The following DSCAM variants were observed in gnomAD, a reference collection of about 807,000 sequenced individuals.
DSCAM encodes the protein DS cell adhesion molecule.
A neutral mutation model predicts 217.7 loss-of-function variants in DSCAM; 47 were observed. The observed-to-expected ratio is 0.22, with a 90% CI of 0.17 to 0.28. DSCAM has a LOEUF of 0.28. DSCAM is among the 10% of genes least tolerant of loss of function. DSCAM has a pLI of 1.00. For missense variants in DSCAM, 2,080 were observed against 2,618.3 expected, an observed-to-expected ratio of 0.79 and a Z score of 4.49; for synonymous variants, 1,056 against 1,015.3, an observed-to-expected ratio of 1.04 and a Z score of -0.76.
At chr21:40,411,173 TATACAC>T (rs71186934) in intron 3 of DSCAM, among the ~76,000 whole-genome samples, 58,434 of 134,538 alleles carry the variant, frequency 0.43, 13,391 homozygotes, top group Non-Finnish European at 0.51. Context: ...ACAGTAATTA[TATACAC>T]ACACACACAC....
At chr21:40,660,845 A>G (rs994028956) in intron 3 of DSCAM, among the ~76,000 whole-genome samples, 3 of 152,366 alleles carry the variant, frequency 2.0e-5, no homozygotes, top group Middle Eastern at 6.8e-3. Flanking sequence ...ACAGAAATTT[A>G]GTGAAAAAAG....
chr21:40,082,420 A>T (rs140655051), intron 24 of DSCAM, among the ~76,000 whole-genome samples: 1 of 152,340 alleles, frequency 6.6e-6, no homozygotes, highest in Admixed American at 6.5e-5. Context: ...AGATCGTGCC[A>T]CTGCACTCCG....
chr21:40,680,195 G>A (rs577858339), intron 3 of DSCAM, among the ~76,000 whole-genome samples: 3 of 152,194 alleles, frequency 2.0e-5, no homozygotes, highest in Non-Finnish European at 2.9e-5. Flanking sequence ...TCAAGGTTAC[G>A]TAACTTGGTC....
intron 19 of DSCAM, among the ~76,000 whole-genome samples, chr21:40,127,848 G>T (rs1457425474): frequency 1.3e-5 from 2 of 152,116 alleles, no homozygotes; most frequent in Non-Finnish European, 2.9e-5. Context: ...TGATCTGATG[G>T]TGCTCCCCAA....
At chr21:40,641,332 G>A (rs773649668) in intron 3 of DSCAM, among the ~76,000 whole-genome samples, 6 of 152,106 alleles carry the variant, frequency 3.9e-5, no homozygotes, top group Admixed American at 2.0e-4. Flanking sequence ...GAAACGGGGC[G>A]AGAGAAAACA....
chr21:40,516,828 ATCT>A (rs2146075721), intron 3 of DSCAM, among the ~76,000 whole-genome samples: 1 of 151,200 alleles, frequency 6.6e-6, no homozygotes, highest in South Asian at 2.1e-4. Flanking sequence ...TCAAATCTGG[ATCT>A]TGTTTATTCA....
At chr21:40,468,964 T>G (rs750314153) in intron 3 of DSCAM, among the ~76,000 whole-genome samples, 2 of 152,024 alleles carry the variant, frequency 1.3e-5, no homozygotes, top group African/African-American at 4.8e-5. Context: ...CACCCTACAT[T>G]GAGGGGCAGG....
intron 3 of DSCAM, among the ~76,000 whole-genome samples, chr21:40,500,641 A>G (rs12481828): frequency 0.089 from 13,503 of 152,286 alleles, 700 homozygotes; most frequent in Middle Eastern, 0.16. Flanking sequence ...TCATTAATAA[A>G]GGGGCAATTT....
chr21:40,538,286 TC>T (rs2076515602), intron 3 of DSCAM, among the ~76,000 whole-genome samples: 1 of 134,942 alleles, frequency 7.4e-6, no homozygotes, highest in Non-Finnish European at 1.5e-5. Flanking sequence ...TCTGTATGAA[TC>T]CAAAGCTAAC....
intron 3 of DSCAM, among the ~76,000 whole-genome samples, chr21:40,392,480 G>A (rs747387429): frequency 1.2e-4 from 18 of 152,220 alleles, no homozygotes; most frequent in Admixed American, 1.0e-3. Flanking sequence ...TATTTTCAAC[G>A]ATTTCCTAAG....
chr21:40,674,505 A>C (rs1302067351), intron 3 of DSCAM, among the ~76,000 whole-genome samples: 1 of 151,854 alleles, frequency 6.6e-6, no homozygotes. Context: ...AGTATAATAA[A>C]CCTCCATGTA....
At chr21:40,445,253 G>A (rs2075665087) in intron 3 of DSCAM, among the ~76,000 whole-genome samples, 1 of 152,076 alleles carries the variant, frequency 6.6e-6, no homozygotes, top group Admixed American at 6.6e-5. Flanking sequence ...TGAATTCTGG[G>A]GTGACACCAG....
At chr21:40,329,750 G>A (rs551001408) in intron 8 of DSCAM, among the ~76,000 whole-genome samples, 29 of 152,116 alleles carry the variant, frequency 1.9e-4, no homozygotes, top group Admixed American at 1.3e-3. Context: ...CAATATGGAT[G>A]AACCTGGAGA....
chr21:40,118,933 G>T (rs1282572645), intron 20 of DSCAM, among the ~76,000 whole-genome samples: 1 of 152,160 alleles, frequency 6.6e-6, no homozygotes. Context: ...TTAAGACATG[G>T]ACCAGAATCT....
At chr21:40,808,873 G>A (rs754868518) in intron 1 of DSCAM, among the ~76,000 whole-genome samples, 2 of 152,100 alleles carry the variant, frequency 1.3e-5, no homozygotes, top group African/African-American at 4.8e-5. Flanking sequence ...ATTTGCAGAT[G>A]AGCTGACACT....
chr21:40,664,982 C>CT (rs2090184289), intron 3 of DSCAM, among the ~76,000 whole-genome samples: 2 of 152,122 alleles, frequency 1.3e-5, no homozygotes, highest in African/African-American at 2.4e-5. Flanking sequence ...CCTCTTCTCT[C>CT]CCTCTTGTTC....
At position 40,822,021 on chromosome 21, in the gene DSCAM, T is replaced by TA. The variant is rs376630916; in HGVS notation, c.43+24597dup. Among the ~76,000 whole-genome samples, 543 of 129,478 alleles carry TA rather than the reference T, an allele frequency of 4.2e-3. 1 individual carries two copies. The highest frequency in any genetic ancestry group is 0.019 in the Middle Eastern group (5 of 268). 84.9% of individuals were successfully genotyped at this position (129,478 alleles called of 152,430 possible). A position where few individuals can be genotyped will look rare whatever the true frequency, so the allele number is the denominator to read the frequency against. ...GTATCCCCGAACTTAAAATAAAAGT[T>TA]AAAAAAAAAAAAAAAGACCGGGCAC... On this transcript the variant is annotated intron_variant, in intron 1 of 32. Coordinates refer to ENST00000400454, the MANE Select transcript of DSCAM (RefSeq NM_001389.5).
At chr21:40,633,448 C>A (rs2089718179) in intron 3 of DSCAM, among the ~76,000 whole-genome samples, 1 of 152,158 alleles carries the variant, frequency 6.6e-6, no homozygotes, top group African/African-American at 2.4e-5. Flanking sequence ...CTAGAAATTG[C>A]TGTTCTCAGT....
At chr21:40,751,223 C>T (rs78128732) in intron 1 of DSCAM, among the ~76,000 whole-genome samples, 3,214 of 152,240 alleles carry the variant, frequency 0.021, 118 homozygotes, top group African/African-American at 0.074. Context: ...TCAGCGAGAC[C>T]GACTCTAGCC....
Sources: gnomAD v4.1 joint callset for allele counts (sites outside exome capture counted in the v4.1 genomes callset) on GRCh38, gnomAD v4.1.1 for gene constraint, MANE v1.5 for transcripts, NCBI Gene and HGNC (gene_info 2026-07-23, HGNC 2026-07-21) for gene names.